Variants in SETD5 observed in about 807,000 individuals in gnomAD.
SETD5 encodes histone-lysine N-methyltransferase SETD5.
Under a neutral mutation model 153.3 loss-of-function variants are expected in SETD5, and 44 were observed. The ratio of observed to expected loss-of-function variants is 0.29; its 90% CI spans 0.23 to 0.37. The LOEUF (loss-of-function observed/expected upper bound fraction) is 0.37, where lower values mean the gene tolerates loss of function less well. Among genes scored for constraint, SETD5 ranks in the 10% least tolerant of loss-of-function variants. The probability of loss-of-function intolerance (pLI) is 1.00; values close to 1 mark genes in which losing one functional copy is unlikely to be tolerated. For missense variants in SETD5, 1,544 were observed against 1,768.0 expected, an observed-to-expected ratio of 0.87 and a Z score of 2.27; for synonymous variants, 716 against 645.2, an observed-to-expected ratio of 1.11 and a Z score of -1.66.
intron 18 of SETD5, 195 bp downstream of exon 18, chr3:9,464,867 A>G (rs1206987592): frequency 1.4e-6 from 1 of 695,094 alleles, no homozygotes; most frequent in Non-Finnish European, 2.4e-6. Context: ...ATGCTTCCCA[A>G]AATAGGCATA....
At chr3:9,448,357 T>A in intron 15 of SETD5, 31 bp from the exon 16 acceptor site, 1 of 1,608,180 alleles carries the variant, frequency 6.2e-7, no homozygotes, top group Non-Finnish European at 8.5e-7. Flanking sequence ...ACCTCTTGAT[T>A]TATAAACTAA....
chr3:9,398,304 C>T (rs2034059284), intron 1 of SETD5: 1 of 152,160 alleles, frequency 6.6e-6, no homozygotes, highest in African/African-American at 2.4e-5. Flanking sequence ...TTTACCTTTC[C>T]CTTGAGGAGA....
chr3:9,426,196 A>G (rs2039175528), intron 2 of SETD5: 2 of 145,698 alleles, frequency 1.4e-5, no homozygotes, highest in African/African-American at 5.2e-5. Context: ...CCTAAAGGCA[A>G]AAAAGTTCAT....
intron 21 of SETD5, 147 bp from the exon 22 acceptor site, chr3:9,474,921 C>T (rs1303501994): frequency 4.4e-6 from 3 of 687,272 alleles, no homozygotes; most frequent in Non-Finnish European, 7.2e-6. Context: ...ACTCATTTTG[C>T]CCTTCTGGCA....
chr3:9,432,467 G>A lies in SETD5; in HGVS notation c.72-1378G>A, dbSNP rs868388933. ...GAAAAAATGACTTGTTATTTCAAGCGAACAATATGCATTATTTGACTCCCT... is the reference window on the plus strand; with the variant it reads ...GAAAAAATGACTTGTTATTTCAAGCAAACAATATGCATTATTTGACTCCCT... On this transcript the variant is annotated intron_variant, in intron 3 of 22. Transcript: ENST00000402198. 2.7e-5 allele frequency: 5 copies of A among 184,706 alleles called. No individual in the cohort carries two copies. The South Asian group carries it at 5.5e-4, about 20-fold the overall frequency. 11.4% of individuals were successfully genotyped at this position (184,706 alleles called of 1,614,324 possible). A position where few individuals can be genotyped will look rare whatever the true frequency, so the allele number is the denominator to read the frequency against.
intron 17 of SETD5, among the ~76,000 whole-genome samples, chr3:9,459,665 C>T (rs1260611822): frequency 6.8e-6 from 1 of 148,016 alleles, no homozygotes; most frequent in Admixed American, 6.7e-5. Context: ...CGCCTGTAAT[C>T]CCAGCTACTC....
chr3:9,419,593 A>G (rs1401823526), intron 1 of SETD5, among the ~76,000 whole-genome samples: 2 of 152,180 alleles, frequency 1.3e-5, no homozygotes, highest in Admixed American at 6.6e-5. Flanking sequence ...GTTATAACTC[A>G]GATGTTGCTA....
chr3:9,442,313 G>A (rs2041389985), intron 10 of SETD5, 68 bp downstream of exon 10: 2 of 1,139,118 alleles, frequency 1.8e-6, no homozygotes, highest in Non-Finnish European at 2.6e-6. Flanking sequence ...AAGAAGCAGT[G>A]TGAAAACTTC....
intron 18 of SETD5, among the ~76,000 whole-genome samples, chr3:9,466,397 T>G (rs1189847567): frequency 1.3e-5 from 2 of 152,128 alleles, no homozygotes; most frequent in African/African-American, 2.4e-5. Flanking sequence ...GGATAACTAT[T>G]AAACACTGCA....
intron 14 of SETD5, 129 bp downstream of exon 14, chr3:9,447,436 G>C: frequency 7.6e-7 from 1 of 1,322,840 alleles, no homozygotes; most frequent in South Asian, 1.5e-5. Flanking sequence ...GCCATTAACT[G>C]TTTAACTGGA....
chr3:9,457,379 C>T (rs1291741528), intron 17 of SETD5, among the ~76,000 whole-genome samples: 2 of 151,958 alleles, frequency 1.3e-5, no homozygotes, highest in African/African-American at 4.8e-5. Flanking sequence ...TCCCGCTACT[C>T]GGGGGGCTGA....
At chr3:9,414,848 C>G (rs577568956) in intron 1 of SETD5, among the ~76,000 whole-genome samples, 12 of 150,098 alleles carry the variant, frequency 8.0e-5, no homozygotes, top group Non-Finnish European at 1.2e-4. Context: ...TTATTGGTTA[C>G]TGAGTATTGG....
chr3:9,408,988 G>A (rs1261297892), intron 1 of SETD5, among the ~76,000 whole-genome samples: 1 of 152,110 alleles, frequency 6.6e-6, no homozygotes, highest in East Asian at 1.9e-4. Context: ...TCTCTTTAAT[G>A]TCTGACTTAA....
At chr3:9,464,297 G>A (rs768427957) in intron 17 of SETD5, 128 bp from the exon 18 acceptor site, 33 of 1,286,744 alleles carry the variant, frequency 2.6e-5, no homozygotes, top group Non-Finnish European at 3.5e-5. Flanking sequence ...TGGATTGGAG[G>A]AGATAACTTA....
In SETD5 at chr3:9,445,154, C is replaced by T; in HGVS notation, c.1294C>T (p.Leu432=). 1 of 1,614,006 alleles carries T rather than the reference C, an allele frequency of 6.2e-7. No individual in the cohort carries two copies. The change falls in exon 12 of 23, where the codon CTA becomes TTA. Residue 432 remains leucine, a synonymous_variant. Coordinates refer to ENST00000402198, the MANE Select transcript of SETD5 (RefSeq NM_001080517.3). ...ELPLLPPPPS[L]PTIGAETRRR... The stretch of plus-strand genomic sequence containing the variant: ...GCCACTCCTACCACCTCCTCCAAGC[C>T]TACCCACCATTGGAGCAGAGACTAG...
chr3:9,401,900 G>A (rs1045537286), intron 1 of SETD5, among the ~76,000 whole-genome samples: 7 of 152,122 alleles, frequency 4.6e-5, no homozygotes, highest in Admixed American at 2.6e-4. Context: ...AATGTGCATC[G>A]TATATTTAGT....
At position 9,475,816 on chromosome 3, in the gene SETD5, C is replaced by G; in HGVS notation, c.4054C>G (p.Pro1352Ala). Residue 1352 changes from proline (P) to alanine (A), a missense_variant, in exon 23 of 23, where the codon CCC becomes GCC. Pro to Ala is a conservative substitution (Grantham distance 27). This residue lies in a region of SETD5 where 302 missense variants were observed against 277.6 expected (regional missense o/e 1.09). Coordinates refer to ENST00000402198, the MANE Select transcript of SETD5 (RefSeq NM_001080517.3). ...TGCTGCTAGCCCTACCCTGCAGGGA[C>G]CCTCAGACTCGCCAACCTCAGATTC... The part of the protein sequence containing the change: ...SSAASPTLQG[P>A]SDSPTSDSVS... 2 of 1,614,044 alleles carry G rather than the reference C, an allele frequency of 1.2e-6. No homozygotes were observed. Among genetic ancestry groups the G allele is most frequent in the Middle Eastern group, 1.6e-4 (1 of 6,062 alleles).
rs1014324659 is a variant in SETD5, at chr3:9,466,440, G to GT, written c.2724+1776dup. Among the ~76,000 whole-genome samples the GT allele has an allele frequency of 2.4e-4, 36 of 151,440 alleles. No individual in the cohort carries two copies. In the East Asian group the frequency reaches 5.1e-3, roughly 21 times the overall value. ...AGTGGTTTTGGTTTTGTTTTGTTTT[G>GT]TTTTTTTTAATTGGTGATCATTTTA... On this transcript the variant is annotated intron_variant, in intron 18 of 22. Transcript: ENST00000402198.
chr3:9,419,499 G>C (rs2038057070), intron 1 of SETD5, among the ~76,000 whole-genome samples: 3 of 152,164 alleles, frequency 2.0e-5, no homozygotes, highest in Admixed American at 2.0e-4. Flanking sequence ...CCAGGAGGTT[G>C]AGGTTGCGGT....
Sources: allele counts gnomAD v4.1 joint callset (sites outside exome capture counted in the v4.1 genomes callset), GRCh38; gene constraint gnomAD v4.1.1; regional missense constraint gnomAD v4.1.1; transcripts MANE v1.5; gene names NCBI Gene and HGNC (gene_info 2026-07-23, HGNC 2026-07-21).